Variants in TDRD3 observed in about 807,000 individuals in gnomAD.
TDRD3 encodes tudor domain-containing protein 3.
Under a neutral mutation model 86.7 loss-of-function variants are expected in TDRD3, and 45 were observed. The observed-to-expected ratio is 0.52, with a 90% confidence interval of 0.41 to 0.67. The LOEUF is 0.67. TDRD3 is among the 30% of genes least tolerant of loss of function. TDRD3 has a pLI of 0.00. For missense variants in TDRD3, 814 were observed against 889.0 expected (o/e 0.92, Z 1.07); for synonymous variants, 298 against 301.7 (o/e 0.99, Z 0.13).
chr13:60,563,232 T>TAA lies in TDRD3; in HGVS notation c.2119-4279_2119-4278dup, dbSNP rs36139602. On this transcript the variant is annotated intron_variant, in intron 12 of 13. Transcript: ENST00000377881. ...GACAGAGCAAGACTCCATATCAATT[T>TAA]AAAAAAAAAAAAAAAGGCAAGGCGA... Among the ~76,000 whole-genome samples, 844 of 135,036 alleles carry TAA rather than the reference T, an allele frequency of 6.3e-3. 6 individuals carry two copies. Among genetic ancestry groups the TAA allele is most frequent in the Middle Eastern group, 0.019 (5 of 266 alleles). The allele number at this position is 135,036 out of a possible 152,430, so 88.6% of individuals were successfully genotyped here. A position where few individuals can be genotyped will look rare whatever the true frequency, so the allele number is the denominator to read the frequency against.
intron 3 of TDRD3, among the ~76,000 whole-genome samples, chr13:60,450,352 T>C (rs192302464): frequency 6.6e-6 from 1 of 152,194 alleles, no homozygotes; most frequent in Non-Finnish European, 1.5e-5. Flanking sequence ...GTTTTTAGTA[T>C]GTAACAAATA....
rs556073325 is a variant in TDRD3, at chr13:60,398,536, T to A, written c.41+1131T>A. 2.0e-5 allele frequency among the ~76,000 whole-genome samples: 3 copies of A among 152,284 alleles called. No individual in the cohort carries two copies. The East Asian group carries it at 5.8e-4, about 29-fold the overall frequency. ...TGTGGATTTGATTTTGTGAATAAAG[T>A]TTTTGATCAGTAGAGGGATATAATC... On this transcript the variant is annotated intron_variant, in intron 1 of 13. Transcript: ENST00000377881.
intron 3 of TDRD3, among the ~76,000 whole-genome samples, chr13:60,460,098 A>G (rs1287070728): frequency 6.6e-6 from 1 of 151,910 alleles, no homozygotes. Flanking sequence ...CAGAAATATA[A>G]CTGTTTTCCT....
chr13:60,435,706 A>T (rs1955071543), intron 1 of TDRD3, among the ~76,000 whole-genome samples: 1 of 152,262 alleles, frequency 6.6e-6, no homozygotes, highest in Non-Finnish European at 1.5e-5. Context: ...CATCTTTGCA[A>T]CTGGCAAATT....
chr13:60,550,548 T>C (rs541289749), intron 12 of TDRD3, among the ~76,000 whole-genome samples: 1 of 152,114 alleles, frequency 6.6e-6, no homozygotes, highest in African/African-American at 2.4e-5. Context: ...AGGATTTGTC[T>C]TAGTAAATAG....
At chr13:60,451,863 A>T (rs1955552190) in intron 3 of TDRD3, among the ~76,000 whole-genome samples, 1 of 152,192 alleles carries the variant, frequency 6.6e-6, no homozygotes, top group African/African-American at 2.4e-5. Flanking sequence ...TTTAGAATCA[A>T]ATGATTAAGA....
chr13:60,530,016 G>A (rs928137290), intron 11 of TDRD3, among the ~76,000 whole-genome samples: 1 of 152,124 alleles, frequency 6.6e-6, no homozygotes, highest in African/African-American at 2.4e-5. Context: ...TCATCCTTGA[G>A]GGCTTGGCTC....
At chr13:60,436,962 T>C (rs1955126132) in intron 1 of TDRD3, among the ~76,000 whole-genome samples, 1 of 152,182 alleles carries the variant, frequency 6.6e-6, no homozygotes, top group African/African-American at 2.4e-5. Context: ...TCTTGTTTAA[T>C]GTACTTTGGA....
chr13:60,430,935 C>A (rs1461907796), intron 1 of TDRD3, among the ~76,000 whole-genome samples: 1 of 151,986 alleles, frequency 6.6e-6, no homozygotes, highest in East Asian at 1.9e-4. Context: ...GCTGAAAATA[C>A]TTTTTGTAAC....
At chr13:60,467,682 A>G (rs1171099155) in intron 5 of TDRD3, among the ~76,000 whole-genome samples, 1 of 152,236 alleles carries the variant, frequency 6.6e-6, no homozygotes, top group East Asian at 1.9e-4. Context: ...CTTTCTGCAA[A>G]AAACAAAAGT....
Position 60,532,628 on chromosome 13 carries a change from G to T in TDRD3, c.1993-2480G>T, listed in dbSNP as rs535283168. 2.6e-5 allele frequency among the ~76,000 whole-genome samples: 4 copies of T among 152,182 alleles called. No individual in the cohort carries two copies. In the East Asian group the frequency reaches 7.7e-4, roughly 29 times the overall value. On this transcript the variant is annotated intron_variant, in intron 11 of 13. Coordinates refer to ENST00000377881, the MANE Select transcript of TDRD3 (RefSeq NM_001146070.2). ...TAATTAATACATTAGTATACATATT[G>T]CTTAAAAAATTTCCTCACAATATCT...
At chr13:60,489,405 T>C (rs1956527388) in intron 7 of TDRD3, among the ~76,000 whole-genome samples, 1 of 152,200 alleles carries the variant, frequency 6.6e-6, no homozygotes, top group African/African-American at 2.4e-5. Context: ...TAAGTAGTAG[T>C]GTTCTTGAAT....
intron 1 of TDRD3, among the ~76,000 whole-genome samples, chr13:60,422,456 A>G (rs776860883): frequency 2.6e-5 from 4 of 152,150 alleles, no homozygotes; most frequent in Non-Finnish European, 5.9e-5. Context: ...TTTTTCCCCA[A>G]AACAACCGTG....
chr13:60,572,752 C>CT (rs533547218), intron 13 of TDRD3, among the ~76,000 whole-genome samples: 21 of 152,152 alleles, frequency 1.4e-4, no homozygotes, highest in Non-Finnish European at 2.9e-4. Flanking sequence ...GTACTGTAAA[C>CT]TTATTTTCAA....
chr13:60,498,193 C>T (rs1161788022), intron 8 of TDRD3, among the ~76,000 whole-genome samples: 3 of 152,074 alleles, frequency 2.0e-5, no homozygotes, highest in Non-Finnish European at 2.9e-5. Flanking sequence ...AGAAGATATA[C>T]CCTTGAGCAA....
chr13:60,428,425 A>G (rs1167651926), intron 1 of TDRD3, among the ~76,000 whole-genome samples: 1 of 152,068 alleles, frequency 6.6e-6, no homozygotes, highest in Non-Finnish European at 1.5e-5. Context: ...ATAGGGGCCA[A>G]GGGAAAATTT....
At chr13:60,489,886 G>A (rs1181531750) in intron 7 of TDRD3, among the ~76,000 whole-genome samples, 1 of 151,864 alleles carries the variant, frequency 6.6e-6, no homozygotes. Context: ...ATGTTCTTTT[G>A]ATTTACATTT....
At chr13:60,436,597 C>T (rs900885117) in intron 1 of TDRD3, among the ~76,000 whole-genome samples, 10 of 152,012 alleles carry the variant, frequency 6.6e-5, no homozygotes, top group African/African-American at 2.2e-4. Flanking sequence ...GGCTTTATTT[C>T]GAGGTTCTCT....
intron 1 of TDRD3, among the ~76,000 whole-genome samples, chr13:60,399,523 T>C (rs929760750): frequency 1.3e-5 from 2 of 152,172 alleles, no homozygotes; most frequent in African/African-American, 2.4e-5. Context: ...AGGTCTTTAA[T>C]TGGGGACTTA....
Sources: gnomAD v4.1 joint callset for allele counts (sites outside exome capture counted in the v4.1 genomes callset) on GRCh38, gnomAD v4.1.1 for gene constraint, MANE v1.5 for transcripts, NCBI Gene and HGNC (gene_info 2026-07-23, HGNC 2026-07-21) for gene names.